The following EPHA6 variants were observed in gnomAD, a reference collection of about 807,000 sequenced individuals.
EPHA6 encodes the protein ephrin type-A receptor 6.
In EPHA6, 50 loss-of-function variants were observed where a neutral mutation model predicts 112.0. The ratio of observed to expected loss-of-function variants is 0.45; its 90% CI spans 0.36 to 0.56. The LOEUF (loss-of-function observed/expected upper bound fraction) is 0.56. Ranked by LOEUF, EPHA6 falls within the 20% of genes least tolerant of loss-of-function variation. The pLI, the probability that EPHA6 is intolerant of heterozygous loss-of-function variation, is 0.00. For missense variants in EPHA6, 1,280 were observed against 1,417.4 expected (o/e 0.90, Z 1.56); for synonymous variants, 529 against 490.7 (o/e 1.08, Z -1.03).
chr3:97,596,700 T>A (rs908692824), intron 12 of EPHA6, among the ~76,000 whole-genome samples: 1 of 149,586 alleles, frequency 6.7e-6, no homozygotes, highest in Admixed American at 6.7e-5. Flanking sequence ...TCTACAAAAT[T>A]TTAGCTTACT....
chr3:97,736,263 G>C lies in EPHA6; in HGVS notation c.3128+145G>C, dbSNP rs566420848. 5.7e-6 allele frequency: 3 copies of C among 530,180 alleles called. No homozygotes were observed. The South Asian group carries it at 1.7e-4, about 29-fold the overall frequency. The allele number at this position is 530,180 out of a possible 1,614,324, so 32.8% of individuals were successfully genotyped here. ...TGTGGAAACCATATTTCATTTATCA[G>C]CTGAAAAAAAGAATTATTAACATTA... is the stretch of plus-strand genomic sequence containing the variant. On this transcript the variant is annotated intron_variant, in intron 16 of 17. Transcript: ENST00000389672.
chr3:96,814,824 G>A lies in EPHA6; in HGVS notation c.201G>A (p.Lys67=). Reference sequence around the variant, plus strand: ...AGGAGGAGGAAGAAGACGTGGACAAGGACCCCCATCCTACCCAGAACACCT... The same window carrying A: ...AGGAGGAGGAAGAAGACGTGGACAAAGACCCCCATCCTACCCAGAACACCT... ...EEEEEEEDVD[K]DPHPTQNTCL... Residue 67 remains lysine, a synonymous_variant, in exon 1 of 18, where the codon AAG becomes AAA. Coordinates refer to ENST00000389672, the MANE Select transcript of EPHA6 (RefSeq NM_001080448.3). The A allele has an allele frequency of 6.3e-7, 1 of 1,590,442 alleles. No homozygotes were observed. Among genetic ancestry groups the A allele is most frequent in the Admixed American group, 1.8e-5 (1 of 55,934 alleles).
chr3:97,038,978 G>A (rs1034639664), intron 3 of EPHA6, among the ~76,000 whole-genome samples: 5 of 151,992 alleles, frequency 3.3e-5, no homozygotes, highest in African/African-American at 7.2e-5. Flanking sequence ...CTGTATATTC[G>A]GTTTTGGTTT....
intron 7 of EPHA6, among the ~76,000 whole-genome samples, chr3:97,463,446 G>C (rs1000833164): frequency 6.6e-6 from 1 of 152,066 alleles, no homozygotes; most frequent in African/African-American, 2.4e-5. Context: ...TAGAAAATTA[G>C]GTCCATATAC....
chr3:97,462,188 A>G (rs2090912518), intron 7 of EPHA6, among the ~76,000 whole-genome samples: 1 of 152,146 alleles, frequency 6.6e-6, no homozygotes, highest in Non-Finnish European at 1.5e-5. Flanking sequence ...AAATGTAGGT[A>G]ATAATACTAC....
At chr3:96,859,138 C>T (rs986770331) in intron 1 of EPHA6, among the ~76,000 whole-genome samples, 23 of 122,498 alleles carry the variant, frequency 1.9e-4, no homozygotes, top group Non-Finnish European at 3.3e-4. Context: ...CATTCATTTT[C>T]TTCAACAGAT....
At chr3:97,072,006 A>G (rs1455118998) in intron 3 of EPHA6, among the ~76,000 whole-genome samples, 1 of 152,062 alleles carries the variant, frequency 6.6e-6, no homozygotes, top group Non-Finnish European at 1.5e-5. Context: ...CACTTAAAAT[A>G]ATGGTCTCCA....
intron 3 of EPHA6, among the ~76,000 whole-genome samples, chr3:97,221,480 C>T (rs2078198880): frequency 6.6e-6 from 1 of 152,018 alleles, no homozygotes; most frequent in Admixed American, 6.6e-5. Context: ...TCTCCACTCG[C>T]TTGTTTCTTG....
intron 1 of EPHA6, among the ~76,000 whole-genome samples, chr3:96,834,308 C>G (rs1057401993): frequency 2.0e-5 from 3 of 151,958 alleles, no homozygotes; most frequent in Non-Finnish European, 4.4e-5. Context: ...ATGGTCTGCC[C>G]ATGCCTTTTC....
chr3:96,820,457 A>G (rs1269227862), intron 1 of EPHA6, among the ~76,000 whole-genome samples: 3 of 151,994 alleles, frequency 2.0e-5, no homozygotes, highest in Non-Finnish European at 4.4e-5. Flanking sequence ...AGCTGGAGAG[A>G]AGAAGATGGG....
At chr3:97,698,756 C>T (rs1452599205) in intron 14 of EPHA6, among the ~76,000 whole-genome samples, 1 of 152,156 alleles carries the variant, frequency 6.6e-6, no homozygotes, top group Non-Finnish European at 1.5e-5. Flanking sequence ...TCTTTCTGAC[C>T]TTCATTTTCC....
intron 10 of EPHA6, among the ~76,000 whole-genome samples, chr3:97,496,171 A>G (rs973601662): frequency 3.9e-5 from 6 of 152,174 alleles, no homozygotes; most frequent in Admixed American, 6.5e-5. Context: ...TGTGAAGCAC[A>G]TGGACTTTCC....
At position 97,391,113 on chromosome 3, in the gene EPHA6, A is replaced by G. The variant is rs560789031; in HGVS notation, c.1607-14037A>G. On this transcript the variant is annotated intron_variant, in intron 5 of 17. Coordinates refer to ENST00000389672, the MANE Select transcript of EPHA6 (RefSeq NM_001080448.3). ...ATTTTCTGGCATTACTATTATCATTATTATAATTATCTTTTTTTTACTTTT... is the reference window on the plus strand; with the variant it reads ...ATTTTCTGGCATTACTATTATCATTGTTATAATTATCTTTTTTTTACTTTT... Among the ~76,000 whole-genome samples the G allele has an allele frequency of 4.6e-5, 7 of 152,026 alleles. No individual in the cohort carries two copies. In the South Asian group the frequency reaches 1.2e-3, roughly 27 times the overall value.
At chr3:97,094,505 T>C (rs750979547) in intron 3 of EPHA6, among the ~76,000 whole-genome samples, 2 of 152,156 alleles carry the variant, frequency 1.3e-5, no homozygotes, top group African/African-American at 4.8e-5. Context: ...TTAAAGATTG[T>C]GTTGTTGCAT....
At chr3:97,655,754 T>C (rs576977446) in intron 14 of EPHA6, among the ~76,000 whole-genome samples, 1 of 87,364 alleles carries the variant, frequency 1.1e-5, no homozygotes, top group African/African-American at 4.7e-5. Flanking sequence ...GGGGGCCTGT[T>C]GTGGAGTGGG....
chr3:97,046,488 A>G (rs1016923126), intron 3 of EPHA6, among the ~76,000 whole-genome samples: 1 of 152,200 alleles, frequency 6.6e-6, no homozygotes, highest in African/African-American at 2.4e-5. Context: ...GAAAGACATG[A>G]CAAGATGCCC....
chr3:97,736,470 AGTGTGTGTGTGTGTGT>A (rs376497031), intron 16 of EPHA6, among the ~76,000 whole-genome samples: 7 of 118,812 alleles, frequency 5.9e-5, no homozygotes, highest in African/African-American at 2.4e-4. Flanking sequence ...AGAGAGAGAG[AGTGTGTGTGTGTGTGT>A]GTGTGTGTGT....
chr3:97,687,151 A>G (rs1250052344), intron 14 of EPHA6, among the ~76,000 whole-genome samples: 2 of 152,174 alleles, frequency 1.3e-5, no homozygotes, highest in East Asian at 3.8e-4. Context: ...ATGATAGCCT[A>G]TCTTCATTCT....
chr3:96,854,416 TAAG>T (rs1702732796), intron 1 of EPHA6, among the ~76,000 whole-genome samples: 1 of 151,788 alleles, frequency 6.6e-6, no homozygotes, highest in African/African-American at 2.4e-5. Flanking sequence ...TTGACTTTAT[TAAG>T]AGATTTTTCT....
Sources: gnomAD v4.1 joint callset for allele counts (sites outside exome capture counted in the v4.1 genomes callset) on GRCh38, gnomAD v4.1.1 for gene constraint, MANE v1.5 for transcripts, NCBI Gene and HGNC (gene_info 2026-07-23, HGNC 2026-07-21) for gene names.